ADHFE1: variants seen among roughly 807,000 people sequenced by gnomAD.
ADHFE1 encodes the protein alcohol dehydrogenase iron containing 1.
A neutral mutation model predicts 54.8 loss-of-function variants in ADHFE1; 37 were observed. That is an observed-to-expected ratio of 0.68 (90% CI 0.52 to 0.89). ADHFE1 has a LOEUF of 0.89. Ranked by LOEUF, ADHFE1 falls within the 40% of genes least tolerant of loss-of-function variation. The probability of loss-of-function intolerance (pLI) is 0.00; values close to 1 mark genes in which losing one functional copy is unlikely to be tolerated. For missense variants in ADHFE1, 601 were observed against 591.2 expected (o/e 1.02, Z -0.17); for synonymous variants, 203 against 229.3 (o/e 0.89, Z 1.04).
rs1392082919 is a variant in ADHFE1 at position 66,452,057 on chromosome 8, A to G, written c.839A>G (p.Asp280Gly). 1 of 1,614,086 alleles carries G rather than the reference A, an allele frequency of 6.2e-7. No individual in the cohort carries two copies. The change falls in exon 9 of 14, where the codon GAC (aspartate) becomes GGC (glycine). Residue 280 changes from aspartate (D) to glycine (G), a missense_variant. By Grantham distance (94) the Asp-to-Gly change is moderately conservative. Transcript: ENST00000396623. ...TACCAGGGCAGCAACCCAATCAGTGACATTTGGGCTATCCACGCGCTGCGG... is the reference window on the plus strand; with the variant it reads ...TACCAGGGCAGCAACCCAATCAGTGGCATTTGGGCTATCCACGCGCTGCGG... ...PAYQGSNPIS[D>G]IWAIHALRIV...
At position 66,442,854 on chromosome 8, in the gene ADHFE1, C is replaced by T. The variant is rs776268978; in HGVS notation, c.144+10C>T. The T allele has an allele frequency of 6.4e-7, 1 of 1,568,148 alleles. No homozygotes were observed. The highest frequency in any genetic ancestry group is 2.1e-5 in the Admixed American group (1 of 48,690). ...AGATTATGCCTTTGAGGTATATTCA[C>T]TCAATCCATTATTTCTTTTATGAAT... On this transcript the variant is annotated intron_variant, in intron 3 of 13. Coordinates refer to ENST00000396623, the MANE Select transcript of ADHFE1 (RefSeq NM_144650.3).
At chr8:66,451,887 G>C in intron 8 of ADHFE1, 66 bp from the exon 9 acceptor site, 4 of 1,572,422 alleles carry the variant, frequency 2.5e-6, no homozygotes, top group Non-Finnish European at 3.5e-6. Flanking sequence ...GACAGGTTGT[G>C]ATCTAAATGG....
intron 4 of ADHFE1, 73 bp downstream of exon 4, chr8:66,444,493 C>T: frequency 1.2e-6 from 2 of 1,604,800 alleles, no homozygotes; most frequent in Non-Finnish European, 1.7e-6. Context: ...TAAATGACAA[C>T]AATCACATCC....
chr8:66,432,831 A>T (rs1805272872), intron 1 of ADHFE1: 1 of 1,223,284 alleles, frequency 8.2e-7, no homozygotes. Flanking sequence ...CCCAGAGAGG[A>T]CCTGGTCCCA....
chr8:66,460,596 C>A lies in ADHFE1; in HGVS notation c.1320+131C>A. ...GGTGGTTCTCGGGTCTCCTCCACAG[C>A]AGACAGCAGTTCTGTCCTTTCCTGG... On this transcript the variant is annotated intron_variant, in intron 13 of 13. Coordinates refer to ENST00000396623, the MANE Select transcript of ADHFE1 (RefSeq NM_144650.3). The A allele has an allele frequency of 3.7e-6, 4 of 1,090,578 alleles. No individual in the cohort carries two copies. The South Asian group carries it at 4.9e-5, about 13-fold the overall frequency. 67.6% of individuals were successfully genotyped at this position (1,090,578 alleles called of 1,614,324 possible).
In ADHFE1 at chr8:66,456,859, T is replaced by C. The variant is rs1806614222; in HGVS notation, c.1029T>C (p.Tyr343=). The C allele has an allele frequency of 1.9e-6, 3 of 1,602,218 alleles. No homozygotes were observed. In the Admixed American group the frequency reaches 5.2e-5, roughly 28 times the overall value. Residue 343 remains tyrosine (Y), a synonymous_variant, in exon 11 of 14, where the codon TAT becomes TAC. Coordinates refer to ENST00000396623, the MANE Select transcript of ADHFE1 (RefSeq NM_144650.3). ...SYPISGLVKM[Y]KAKDYNVDHP... is the part of the protein sequence containing the mutation. The stretch of plus-strand genomic sequence containing the variant: ...CAATTTCAGGTTTAGTGAAGATGTA[T>C]AAAGCAAAGGATTACAATGTGGATC...
rs1312281369 is a variant in ADHFE1, at chr8:66,468,259, A to T, written c.1321-10A>T. The T allele has an allele frequency of 3.1e-6, 5 of 1,606,428 alleles. No homozygotes were observed. Among genetic ancestry groups the T allele is most frequent in the Non-Finnish European group, 4.2e-6 (5 of 1,176,636 alleles). On this transcript the variant is annotated splice_polypyrimidine_tract_variant and intron_variant, in intron 13 of 13. Transcript: ENST00000396623. ...AAGCCCTGGGTAACTTCTTTCATTT[A>T]CTGTTTCAGGAAAGGGTCACCAAGC...
chr8:66,451,166 G>T (rs1241095989), intron 8 of ADHFE1, among the ~76,000 whole-genome samples: 1 of 152,352 alleles, frequency 6.6e-6, no homozygotes, highest in South Asian at 2.1e-4. Context: ...CAGTTGATGA[G>T]CTAGAAGTCA....
rs114188576 is a variant in ADHFE1, at chr8:66,454,021, G to A, written c.888-38G>A. 1.1e-3 allele frequency: 1,734 copies of A among 1,606,960 alleles called. 18 individuals are homozygous for A. The African/African-American group carries it at 0.021, about 19-fold the overall frequency. On this transcript the variant is annotated intron_variant, in intron 9 of 13. Transcript: ENST00000396623. ...TCCTTATTCTGTAGGAATTGCCAAT[G>A]TTGATGTGTTATTGTTAGGTATTTA...
intron 6 of ADHFE1, 106 bp downstream of exon 6, chr8:66,445,520 G>A: frequency 8.8e-7 from 1 of 1,133,202 alleles, no homozygotes; most frequent in African/African-American, 1.6e-5. Flanking sequence ...AAGCTTTCTG[G>A]TTTGTTCATT....
chr8:66,456,039 G>A (rs1424832199), intron 10 of ADHFE1, among the ~76,000 whole-genome samples: 3 of 152,080 alleles, frequency 2.0e-5, no homozygotes, highest in African/African-American at 7.2e-5. Context: ...AAGCGTGGTG[G>A]CTGGATCCTT....
At chr8:66,465,399 T>G (rs956283912) in intron 13 of ADHFE1, among the ~76,000 whole-genome samples, 3 of 152,228 alleles carry the variant, frequency 2.0e-5, no homozygotes, top group Non-Finnish European at 4.4e-5. Flanking sequence ...CTTTTGTGTG[T>G]GTGTAATAGC....
rs143614169 is a variant in ADHFE1 at position 66,434,661 on chromosome 8, G to A, written c.59+2086G>A. Among the ~76,000 whole-genome samples the A allele has an allele frequency of 1.7e-4, 26 of 152,346 alleles. 1 individual carries two copies. Among genetic ancestry groups the A allele is most frequent in the African/African-American group, 5.8e-4 (24 of 41,572 alleles). ...TGTGTGGCCATTTCTATTGGACAGA[G>A]CATGCACTCTGGGCTTCTGCCCAAC... On this transcript the variant is annotated intron_variant, in intron 1 of 13. Transcript: ENST00000396623.
At chr8:66,437,411 GGCCAGA>G (rs1197028111) in intron 1 of ADHFE1, among the ~76,000 whole-genome samples, 1 of 151,964 alleles carries the variant, frequency 6.6e-6, no homozygotes. Flanking sequence ...AGAATAAGGG[GGCCAGA>G]GCCAGGAGGG....
intron 6 of ADHFE1, among the ~76,000 whole-genome samples, chr8:66,446,654 T>A (rs1176014317): frequency 8.0e-6 from 1 of 124,276 alleles, no homozygotes; most frequent in Non-Finnish European, 1.7e-5. Flanking sequence ...ACGCTCATAT[T>A]TATGCAGAAG....
In ADHFE1 at chr8:66,439,792, C is replaced by T. The variant is rs910896499; in HGVS notation, c.60-370C>T. 3.7e-6 allele frequency: 4 copies of T among 1,066,868 alleles called. No individual in the cohort carries two copies. In the African/African-American group the frequency reaches 6.7e-5, roughly 18 times the overall value. The allele number at this position is 1,066,868 out of a possible 1,614,324, so 66.1% of individuals were successfully genotyped here. On this transcript the variant is annotated intron_variant, in intron 1 of 13. Transcript: ENST00000396623. The surrounding 1 kb of genome is among the most constrained non-coding windows in gnomAD (Gnocchi z 4.4). ...AGAGGCACACAGAGTTAACCTTGGGCCGATTTGGTCAACGCTCCTAACCCA... is the reference window on the plus strand; with the variant it reads ...AGAGGCACACAGAGTTAACCTTGGGTCGATTTGGTCAACGCTCCTAACCCA...
rs117918804 is a variant in ADHFE1 at position 66,449,043 on chromosome 8, C to A, written c.734+73C>A. 862 of 1,310,524 alleles carry A rather than the reference C, an allele frequency of 6.6e-4. 6 individuals carry two copies. The highest frequency in any genetic ancestry group is 2.4e-3 in the East Asian group (105 of 43,238). 81.2% of individuals were successfully genotyped at this position (1,310,524 alleles called of 1,614,324 possible). On this transcript the variant is annotated intron_variant, in intron 8 of 13. Transcript: ENST00000396623. The stretch of plus-strand genomic sequence containing the variant: ...GGATAGTATTTTGTTGCTCAACGCA[C>A]ATGCTAAGTATTCATTGATTAGCAC...
chr8:66,462,505 G>C (rs1303362670), intron 13 of ADHFE1, among the ~76,000 whole-genome samples: 1 of 152,136 alleles, frequency 6.6e-6, no homozygotes, highest in Non-Finnish European at 1.5e-5. Flanking sequence ...TCCTGCCTTG[G>C]CTTCCCAAAG....
At chr8:66,465,306 A>G (rs1462645648) in intron 13 of ADHFE1, among the ~76,000 whole-genome samples, 1 of 152,222 alleles carries the variant, frequency 6.6e-6, no homozygotes, top group Non-Finnish European at 1.5e-5. Context: ...TGTTTTCTAT[A>G]GTGGCTGCAC....
Sources: allele counts gnomAD v4.1 joint callset (sites outside exome capture counted in the v4.1 genomes callset), GRCh38; gene constraint gnomAD v4.1.1; non-coding constraint Gnocchi (gnomAD v3.1); transcripts MANE v1.5; gene names NCBI Gene and HGNC (gene_info 2026-07-23, HGNC 2026-07-21).